The following SPG7 variants were observed in gnomAD, a reference collection of about 807,000 sequenced individuals.
SPG7 encodes SPG7 matrix AAA peptidase subunit, paraplegin.
Under a neutral mutation model 81.9 loss-of-function variants are expected in SPG7, and 103 were observed. The observed-to-expected ratio is 1.26, with a 90% confidence interval of 1.07 to 1.48. The LOEUF (loss-of-function observed/expected upper bound fraction) is 1.48, where lower values mean the gene tolerates loss of function less well. Among genes scored for constraint, SPG7 ranks in the 40% most tolerant of loss-of-function variants. SPG7 has a pLI of 0.00. For missense variants in SPG7, 1,241 were observed against 1,087.3 expected, an observed-to-expected ratio of 1.14 and a Z score of -1.99; for synonymous variants, 534 against 444.2, an observed-to-expected ratio of 1.20 and a Z score of -2.54.
intron 9 of SPG7, chr16:89,543,207 A>C (rs1027913854): frequency 2.6e-5 from 4 of 151,884 alleles, no homozygotes; most frequent in African/African-American, 9.7e-5. Context: ...TCGGCCTCCC[A>C]AAGTGCTGGG....
At position 89,529,536 on chromosome 16, in the gene SPG7, G is replaced by A. The variant is rs770339981; in HGVS notation, c.818G>A (p.Arg273His). Residue 273 changes from arginine to histidine, a missense_variant, in exon 6 of 17, where the codon CGT (arginine) becomes CAT (histidine). By Grantham distance (29) the Arg-to-His change is conservative. Transcript: ENST00000645818. ...VGLAILWYVF[R>H]LAGMTGREGG... The stretch of plus-strand genomic sequence containing the variant: ...CTGGCCATCCTGTGGTATGTTTTCC[G>A]TCTGGCCGGGATGACTGGAAGGGAA... 4.6e-5 allele frequency: 75 copies of A among 1,614,016 alleles called. 1 individual carries two copies. The South Asian group carries it at 5.7e-4, about 12-fold the overall frequency.
intron 9 of SPG7, among the ~76,000 whole-genome samples, chr16:89,534,263 C>T (rs2058383424): frequency 6.6e-6 from 1 of 152,156 alleles, no homozygotes; most frequent in African/African-American, 2.4e-5. Context: ...CAGTGTCTGT[C>T]CTTTGCTATC....
rs192931372 is a variant in SPG7, at chr16:89,531,120, T to C, written c.987+312T>C. The C allele has an allele frequency of 5.8e-3, 2,714 of 466,200 alleles. 132 individuals carry two copies. In the Admixed American group the frequency reaches 0.076, roughly 13 times the overall value. 28.9% of individuals were successfully genotyped at this position (466,200 alleles called of 1,614,324 possible). A position where few individuals can be genotyped will look rare whatever the true frequency, so the allele number is the denominator to read the frequency against. On this transcript the variant is annotated intron_variant, in intron 7 of 16. Transcript: ENST00000645818. ...GAACCACATAAACACCTTAGCCAGT[T>C]GGTGGCAGTGCATGAGCTGCCTATC...
chr16:89,508,815 T>TC, intron 1 of SPG7: 1 of 691,688 alleles, frequency 1.4e-6, no homozygotes, highest in Non-Finnish European at 2.6e-6. Context: ...AGGGCTGGGA[T>TC]CCGCGCAGTC....
intron 7 of SPG7, chr16:89,531,068 C>T: frequency 3.5e-6 from 2 of 574,738 alleles, no homozygotes; most frequent in Non-Finnish European, 6.3e-6. Flanking sequence ...GGCCCTTCAT[C>T]CCTTGCAAAG....
chr16:89,530,138 C>G (rs2058321390), intron 6 of SPG7: 2 of 254,128 alleles, frequency 7.9e-6, no homozygotes, highest in South Asian at 8.9e-5. Flanking sequence ...TGCACCTGGC[C>G]TTTCTTTTTT....
At chr16:89,532,148 C>T (rs2058352311) in intron 8 of SPG7, 82 bp downstream of exon 8, 3 of 1,447,612 alleles carry the variant, frequency 2.1e-6, no homozygotes, top group African/African-American at 2.8e-5. Flanking sequence ...GGTGTCTGGA[C>T]TGAAAGGGAC....
At chr16:89,532,940 G>A (rs1344815108) in intron 9 of SPG7, 7 of 415,614 alleles carry the variant, frequency 1.7e-5, no homozygotes, top group African/African-American at 6.1e-5. Flanking sequence ...AAAGTCAGCC[G>A]GGTGTGGTGG....
chr16:89,508,687 G>T, intron 1 of SPG7, 87 bp downstream of exon 1: 1 of 1,300,214 alleles, frequency 7.7e-7, no homozygotes, highest in Non-Finnish European at 1.0e-6. Context: ...GAGGCCGCCT[G>T]GCCCCTGCGG....
At chr16:89,525,912 G>C (rs1402019188) in intron 4 of SPG7, among the ~76,000 whole-genome samples, 1 of 152,202 alleles carries the variant, frequency 6.6e-6, no homozygotes, top group Non-Finnish European at 1.5e-5. Context: ...ACGTGGGGCT[G>C]TGAGCTAACT....
intron 3 of SPG7, among the ~76,000 whole-genome samples, chr16:89,514,919 C>G (rs915492659): frequency 2.0e-5 from 3 of 149,632 alleles, no homozygotes; most frequent in South Asian, 4.2e-4. Flanking sequence ...TGTGAACCAC[C>G]GTGCCTGGCC....
At chr16:89,550,695 C>A in intron 13 of SPG7, 86 bp downstream of exon 13, 1 of 876,516 alleles carries the variant, frequency 1.1e-6, no homozygotes, top group Non-Finnish European at 1.9e-6. Context: ...ACTGGGGAGT[C>A]CCGCCTGTGT....
At chr16:89,535,150 G>A (rs753855107) in intron 9 of SPG7, among the ~76,000 whole-genome samples, 1 of 152,220 alleles carries the variant, frequency 6.6e-6, no homozygotes, top group Non-Finnish European at 1.5e-5. Context: ...CAGGATTGGT[G>A]CAGCAGTGCT....
intron 14 of SPG7, chr16:89,553,579 T>C: frequency 1.7e-6 from 1 of 590,480 alleles, no homozygotes; most frequent in East Asian, 2.8e-5. Context: ...GGGTTCTAGA[T>C]TTCCAAATAA....
intron 9 of SPG7, chr16:89,541,897 G>T (rs558682710): frequency 6.6e-6 from 1 of 152,008 alleles, no homozygotes; most frequent in African/African-American, 2.4e-5. Context: ...ATAGCGGCCC[G>T]GTAGGGAGCA....
chr16:89,524,745 A>G (rs1156561143), intron 4 of SPG7, among the ~76,000 whole-genome samples: 3 of 152,058 alleles, frequency 2.0e-5, no homozygotes, highest in Non-Finnish European at 2.9e-5. Flanking sequence ...GTGCCCAGCC[A>G]GATCTGGTAA....
intron 4 of SPG7, 31 bp downstream of exon 4, chr16:89,524,278 AG>A: frequency 6.3e-7 from 1 of 1,593,912 alleles, no homozygotes; most frequent in Non-Finnish European, 8.6e-7. Flanking sequence ...CCTGTGAGTG[AG>A]GGTGTGGGCA....
chr16:89,519,008 G>A (rs1056429496), intron 3 of SPG7: 6 of 151,952 alleles, frequency 3.9e-5, no homozygotes, highest in African/African-American at 1.2e-4. Flanking sequence ...TTTTGAGATG[G>A]GGTCTGGCTC....
chr16:89,529,579 T>C lies in SPG7; in HGVS notation c.861T>C (p.Phe287=), dbSNP rs776495713. 64 of 1,599,720 alleles carry C rather than the reference T, an allele frequency of 4.0e-5. No individual in the cohort carries two copies. The highest frequency in any genetic ancestry group is 6.7e-5 in the Admixed American group (4 of 59,924). The change falls in exon 6 of 17, where the codon TTT becomes TTC. Residue 287 remains phenylalanine (F), a splice_region_variant and synonymous_variant. Transcript: ENST00000645818. The part of the protein sequence containing the change: ...MTGREGGFSA[F]NQLKMARFTI... ...GAAGGGAAGGTGGATTCAGTGCTTTTGTAAGTTCTGTAAATCAGAGCTCTC... is the reference window on the plus strand; with the variant it reads ...GAAGGGAAGGTGGATTCAGTGCTTTCGTAAGTTCTGTAAATCAGAGCTCTC...
Sources: allele counts gnomAD v4.1 joint callset (sites outside exome capture counted in the v4.1 genomes callset), GRCh38; gene constraint gnomAD v4.1.1; transcripts MANE v1.5; gene names NCBI Gene and HGNC (gene_info 2026-07-23, HGNC 2026-07-21).